HSPA12A: variants seen among roughly 807,000 people sequenced by gnomAD.
The protein encoded by HSPA12A is heat shock protein family A (Hsp70) member 12A.
HSPA12A carries 28 observed loss-of-function variants against 69.2 expected under a neutral mutation model. The ratio of observed to expected loss-of-function variants is 0.40; its 90% confidence interval spans 0.30 to 0.55. The LOEUF (loss-of-function observed/expected upper bound fraction) is 0.55, where lower values mean the gene tolerates loss of function less well. Among genes scored for constraint, HSPA12A ranks in the 20% least tolerant of loss-of-function variants. The probability of loss-of-function intolerance (pLI) is 0.38; values close to 1 mark genes in which losing one functional copy is unlikely to be tolerated. For synonymous variants in HSPA12A, 345 were observed against 370.5 expected, an observed-to-expected ratio of 0.93 and a Z score of 0.79; for missense variants, 686 against 900.7, an observed-to-expected ratio of 0.76 and a Z score of 3.05.
At chr10:116,790,832 A>G (rs1190393749) in intron 2 of HSPA12A, among the ~76,000 whole-genome samples, 1 of 152,130 alleles carries the variant, frequency 6.6e-6, no homozygotes, top group Non-Finnish European at 1.5e-5. Context: ...CTGGAACTAC[A>G]GGAGCGCACC....
chr10:116,804,790 T>G (rs1260600588), intron 2 of HSPA12A, among the ~76,000 whole-genome samples: 2 of 152,144 alleles, frequency 1.3e-5, no homozygotes, highest in Non-Finnish European at 2.9e-5. Context: ...TTCTTGGGGC[T>G]GGGAGAAAAA....
At chr10:116,848,166 C>T (rs901165881) in intron 1 of HSPA12A, among the ~76,000 whole-genome samples, 4 of 152,232 alleles carry the variant, frequency 2.6e-5, no homozygotes, top group Non-Finnish European at 5.9e-5. Flanking sequence ...GGGCCCCAGG[C>T]TCCGTGGTGG....
rs1850092130 is a variant in HSPA12A, at chr10:116,702,078, C to T, written c.255-949G>A. On this transcript the variant is annotated intron_variant, in intron 3 of 11. Coordinates refer to ENST00000369209, the MANE Select transcript of HSPA12A (RefSeq NM_025015.3). ...GAGCTATGATCGCATCACTGCACTC[C>T]AGCCTGGGCAACACAGCAAGACCCT... is the stretch of plus-strand genomic sequence containing the variant. Among the ~76,000 whole-genome samples, 6 of 152,050 alleles carry T rather than the reference C, an allele frequency of 3.9e-5. No homozygotes were observed. The South Asian group carries it at 1.2e-3, about 32-fold the overall frequency.
chr10:116,817,284 A>G (rs1250847889), intron 2 of HSPA12A, among the ~76,000 whole-genome samples: 1 of 152,066 alleles, frequency 6.6e-6, no homozygotes, highest in East Asian at 1.9e-4. Flanking sequence ...ATTTTTTCTA[A>G]CAGAGGCTTT....
At chr10:116,824,660 A>G (rs902425615) in intron 2 of HSPA12A, among the ~76,000 whole-genome samples, 1 of 152,154 alleles carries the variant, frequency 6.6e-6, no homozygotes, top group African/African-American at 2.4e-5. Context: ...TTTGAGATGG[A>G]GTCTTGCTCT....
chr10:116,843,222 A>T (rs1291180742), intron 1 of HSPA12A, among the ~76,000 whole-genome samples: 1 of 152,166 alleles, frequency 6.6e-6, no homozygotes, highest in Non-Finnish European at 1.5e-5. Flanking sequence ...ATTTTGCGCA[A>T]ATGCTAAAGG....
At chr10:116,809,952 G>C (rs1845142721) in intron 2 of HSPA12A, among the ~76,000 whole-genome samples, 2 of 152,208 alleles carry the variant, frequency 1.3e-5, no homozygotes, top group Non-Finnish European at 2.9e-5. Context: ...CCCTGGGGAG[G>C]GACCCGGGGA....
At chr10:116,732,413 G>A (rs1371988029) in intron 1 of HSPA12A, among the ~76,000 whole-genome samples, 1 of 151,530 alleles carries the variant, frequency 6.6e-6, no homozygotes, top group African/African-American at 2.4e-5. Flanking sequence ...CCTAGCAGCA[G>A]GTTTAAGTTC....
chr10:116,778,683 C>G (rs1844395024), intron 2 of HSPA12A, among the ~76,000 whole-genome samples: 1 of 152,190 alleles, frequency 6.6e-6, no homozygotes, highest in African/African-American at 2.4e-5. Context: ...AGGAGGATCG[C>G]TTGAGCCCAA....
upstream of HSPA12A, among the ~76,000 whole-genome samples, chr10:116,745,019 C>T (rs1179523640): frequency 6.6e-6 from 1 of 152,168 alleles, no homozygotes; most frequent in Admixed American, 6.5e-5. Context: ...CCCCCCAAAG[C>T]CCAAACACAC....
intron 2 of HSPA12A, among the ~76,000 whole-genome samples, chr10:116,772,872 T>C (rs1361102507): frequency 6.6e-6 from 1 of 151,868 alleles, no homozygotes; most frequent in Non-Finnish European, 1.5e-5. Context: ...TTATTATTAT[T>C]ATTATTATTT....
At chr10:116,725,770 T>C (rs1463269041) in intron 1 of HSPA12A, among the ~76,000 whole-genome samples, 1 of 152,090 alleles carries the variant, frequency 6.6e-6, no homozygotes, top group Non-Finnish European at 1.5e-5. Flanking sequence ...TCTGTGTTTA[T>C]GTTTTGCAGT....
Position 116,849,610 on chromosome 10 carries a change from A to C in HSPA12A, c.-42T>G, listed in dbSNP as rs780768444. 432 of 1,549,916 alleles carry C rather than the reference A, an allele frequency of 2.8e-4. No individual in the cohort carries two copies. The highest frequency in any genetic ancestry group is 3.5e-4 in the Non-Finnish European group (399 of 1,146,688). On this transcript the variant is annotated 5_prime_UTR_variant, in exon 1 of 13. Coordinates refer to the HSPA12A transcript ENST00000635765. ...GGCCGCAGCTGTGGGACCACTAGGG[A>C]GCTGCAGAAGCTGAAGCAGCAGGCG...
chr10:116,813,010 T>C (rs1681748), intron 2 of HSPA12A, among the ~76,000 whole-genome samples: 56,538 of 151,848 alleles, frequency 0.37, 11,078 homozygotes, highest in Middle Eastern at 0.49. Flanking sequence ...AGGAAACTTT[T>C]GAAAAGCAGT....
chr10:116,700,134 G>T (rs76897056), intron 4 of HSPA12A, among the ~76,000 whole-genome samples: 5,853 of 152,252 alleles, frequency 0.038, 408 homozygotes, highest in African/African-American at 0.13. Flanking sequence ...GCAGGGAGGG[G>T]TTACATAACT....
intron 2 of HSPA12A, 33 bp downstream of exon 2, chr10:116,707,167 A>C (rs1554882564): frequency 2.0e-6 from 3 of 1,468,032 alleles, no homozygotes. Flanking sequence ...ACACACACAC[A>C]CACACACACA....
At chr10:116,707,835 C>A (rs1475247105) in intron 1 of HSPA12A, among the ~76,000 whole-genome samples, 1 of 152,140 alleles carries the variant, frequency 6.6e-6, no homozygotes, top group Non-Finnish European at 1.5e-5. Flanking sequence ...GCTCCTCCCT[C>A]CCCCTGCCAG....
chr10:116,676,635 G>A, intron 10 of HSPA12A, 133 bp from the exon 11 acceptor site: 1 of 684,776 alleles, frequency 1.5e-6, no homozygotes, highest in Non-Finnish European at 2.5e-6. Flanking sequence ...AAAGCCAAAA[G>A]CACCTTTGGA....
At chr10:116,680,532 T>C (rs1267759557) in intron 9 of HSPA12A, among the ~76,000 whole-genome samples, 4 of 151,890 alleles carry the variant, frequency 2.6e-5, no homozygotes, top group African/African-American at 9.7e-5. Context: ...GTCACCCAAG[T>C]TGGAGTGCAG....
Sources: gnomAD v4.1 joint callset for allele counts (sites outside exome capture counted in the v4.1 genomes callset) on GRCh38, gnomAD v4.1.1 for gene constraint, MANE v1.5 for transcripts, NCBI Gene and HGNC (gene_info 2026-07-23, HGNC 2026-07-21) for gene names.